Variants in LRRC4B observed in about 807,000 individuals in gnomAD.
LRRC4B encodes leucine-rich repeat-containing protein 4B.
A neutral mutation model predicts 7.3 loss-of-function variants in LRRC4B; 1 was observed. The ratio of observed to expected loss-of-function variants is 0.14; its 90% CI spans 0.05 to 0.65. The LOEUF (loss-of-function observed/expected upper bound fraction) is 0.65. Ranked by LOEUF, LRRC4B falls within the 30% of genes least tolerant of loss-of-function variation. The pLI is 0.84. For synonymous variants in LRRC4B, 500 were observed against 499.2 expected, an observed-to-expected ratio of 1.00 and a Z score of -0.02; for missense variants, 730 against 1,041.6, an observed-to-expected ratio of 0.70 and a Z score of 4.12.
In LRRC4B at chr19:50,553,689, G is replaced by A. The variant is rs575451462; in HGVS notation, c.-35-4816C>T. 3.5e-4 allele frequency among the ~76,000 whole-genome samples: 53 copies of A among 152,204 alleles called. No individual in the cohort carries two copies. Among genetic ancestry groups the A allele is most frequent in the African/African-American group, 1.2e-3 (50 of 41,526 alleles). ...AGCATCTGAGCTTTTATATGGGTCC[G>A]TGCGCTTGAAGGCAAGTTTCCCGAG... is the stretch of plus-strand genomic sequence containing the variant. On this transcript the variant is annotated intron_variant, in intron 1 of 2. Transcript: ENST00000652263. This position sits in a 1 kb window ranked among gnomAD's most constrained non-coding sequence, Gnocchi z 4.2.
intron 2 of LRRC4B, among the ~76,000 whole-genome samples, chr19:50,523,509 C>G (rs1980670461): frequency 6.9e-6 from 1 of 145,180 alleles, no homozygotes; most frequent in Non-Finnish European, 1.5e-5. Flanking sequence ...AAAACTCCGT[C>G]TCTGCTAAAA....
intron 2 of LRRC4B, among the ~76,000 whole-genome samples, chr19:50,523,399 C>T (rs1315872192): frequency 1.3e-5 from 2 of 152,088 alleles, no homozygotes; most frequent in Non-Finnish European, 1.5e-5. Context: ...AAAAAGAGGC[C>T]GGGCGTGGTG....
At chr19:50,533,676 G>T (rs747821604) in intron 2 of LRRC4B, among the ~76,000 whole-genome samples, 1 of 152,188 alleles carries the variant, frequency 6.6e-6, no homozygotes. Flanking sequence ...AAGGTAAAAG[G>T]GGGGGAATCA....
chr19:50,567,034 T>G (rs962398803), intron 1 of LRRC4B, among the ~76,000 whole-genome samples: 1 of 141,730 alleles, frequency 7.1e-6, no homozygotes, highest in Non-Finnish European at 1.5e-5. Flanking sequence ...TTGTCAGAGA[T>G]GGGGGTTAGA....
chr19:50,527,384 C>T (rs1980859426), intron 2 of LRRC4B, among the ~76,000 whole-genome samples: 1 of 139,842 alleles, frequency 7.2e-6, no homozygotes, highest in Non-Finnish European at 1.5e-5. Flanking sequence ...GAGGGGGTTT[C>T]ACCATGTTGG....
rs143368810 is a variant in LRRC4B, at chr19:50,564,944, G to A, written c.-36+3000C>T. On this transcript the variant is annotated intron_variant, in intron 1 of 2. Transcript: ENST00000652263. Reference sequence around the variant, plus strand: ...TCGGCCTCTCTGCATGGGCCCTGAGGGTGTGTGTGCAGGCACATGTGTGCA... The same window carrying A: ...TCGGCCTCTCTGCATGGGCCCTGAGAGTGTGTGTGCAGGCACATGTGTGCA... 8.5e-3 allele frequency among the ~76,000 whole-genome samples: 1,300 copies of A among 152,212 alleles called. 4 individuals carry two copies. Among genetic ancestry groups the A allele is most frequent in the Non-Finnish European group, 0.012 (813 of 68,000 alleles).
chr19:50,543,445 C>T (rs1460583708), intron 2 of LRRC4B, among the ~76,000 whole-genome samples: 1 of 152,006 alleles, frequency 6.6e-6, no homozygotes, highest in Non-Finnish European at 1.5e-5. Context: ...CTCATCATCC[C>T]TCAGACCCAG....
chr19:50,568,076 C>T lies in LRRC4B; in HGVS notation c.-168G>A, dbSNP rs1488607519. The T allele has an allele frequency of 2.6e-5, 4 of 150,948 alleles. No individual in the cohort carries two copies. Among genetic ancestry groups the T allele is most frequent in the Admixed American group, 2.6e-4 (4 of 15,214 alleles). 9.4% of individuals were successfully genotyped at this position (150,948 alleles called of 1,614,324 possible). A position where few individuals can be genotyped will look rare whatever the true frequency, so the allele number is the denominator to read the frequency against. ...GCGGGGGGCGGGGCTGCGGCCGGGCCTGGAGCCTCTCGCGCTCTCCCCCCT... is the reference window on the plus strand; with the variant it reads ...GCGGGGGGCGGGGCTGCGGCCGGGCTTGGAGCCTCTCGCGCTCTCCCCCCT... On this transcript the variant is annotated 5_prime_UTR_variant, in exon 1 of 3. Coordinates refer to ENST00000652263, the MANE Select transcript of LRRC4B (RefSeq NM_001080457.2).
At chr19:50,567,507 G>GC (rs890270911) in intron 1 of LRRC4B, among the ~76,000 whole-genome samples, 54 of 150,988 alleles carry the variant, frequency 3.6e-4, no homozygotes, top group East Asian at 2.0e-3. Flanking sequence ...TCACTGGCGT[G>GC]CCCCCCCCAC....
Position 50,563,006 on chromosome 19 carries a change from T to C in LRRC4B, c.-36+4938A>G, listed in dbSNP as rs1487718901. Among the ~76,000 whole-genome samples, 1 of 152,044 alleles carries C rather than the reference T, an allele frequency of 6.6e-6. No individual in the cohort carries two copies. The highest frequency in any genetic ancestry group is 1.5e-5 in the Non-Finnish European group (1 of 67,982). On this transcript the variant is annotated intron_variant, in intron 1 of 2. Coordinates refer to ENST00000652263, the MANE Select transcript of LRRC4B (RefSeq NM_001080457.2). This position sits in a 1 kb window ranked among gnomAD's most constrained non-coding sequence, Gnocchi z 4.9. Reference sequence around the variant, plus strand: ...CCACCCGCCTCAGCCTCCCAAAGTGTTGAGACGGCGTGAGCCACCATGCCT... The same window carrying C: ...CCACCCGCCTCAGCCTCCCAAAGTGCTGAGACGGCGTGAGCCACCATGCCT...
At chr19:50,529,872 T>A (rs1205638467) in intron 2 of LRRC4B, among the ~76,000 whole-genome samples, 3 of 152,084 alleles carry the variant, frequency 2.0e-5, no homozygotes, top group Non-Finnish European at 4.4e-5. Flanking sequence ...CCCCTGGAAC[T>A]TTCCCCCTCT....
intron 2 of LRRC4B, among the ~76,000 whole-genome samples, chr19:50,526,240 C>A (rs1312054040): frequency 1.3e-5 from 2 of 152,138 alleles, no homozygotes; most frequent in Non-Finnish European, 2.9e-5. Flanking sequence ...CCTTCCTCCT[C>A]TACTTGTTTC....
chr19:50,545,424 A>G (rs887959292), intron 2 of LRRC4B, among the ~76,000 whole-genome samples: 11 of 151,182 alleles, frequency 7.3e-5, no homozygotes, highest in Non-Finnish European at 1.5e-4. Flanking sequence ...AAAAAAAAAA[A>G]AAAAGAATTA....
intron 2 of LRRC4B, among the ~76,000 whole-genome samples, chr19:50,544,367 T>C (rs1386144087): frequency 1.9e-4 from 28 of 150,314 alleles, no homozygotes; most frequent in South Asian, 4.2e-4. Context: ...ATTAGCTGGG[T>C]GTGGTGGCGG....
chr19:50,525,607 C>T (rs1213069165), intron 2 of LRRC4B, among the ~76,000 whole-genome samples: 1 of 146,184 alleles, frequency 6.8e-6, no homozygotes, highest in Admixed American at 6.9e-5. Flanking sequence ...TTAGTAGAGA[C>T]GAGGGTTTTA....
intron 2 of LRRC4B, among the ~76,000 whole-genome samples, chr19:50,539,654 C>T (rs564944100): frequency 7.3e-5 from 11 of 151,696 alleles, no homozygotes; most frequent in South Asian, 4.2e-4. Context: ...TTTGGGAGGC[C>T]GAGGCAGGTG....
intron 1 of LRRC4B, among the ~76,000 whole-genome samples, chr19:50,566,342 C>G (rs1982627728): frequency 6.6e-6 from 1 of 151,158 alleles, no homozygotes; most frequent in Middle Eastern, 3.4e-3. Context: ...GCTGCGGAGG[C>G]GCCACTGCAG....
Position 50,517,799 on chromosome 19 carries a change from C to G in LRRC4B, c.1914G>C (p.Val638=). The part of the protein sequence containing the change: ...SAVSVAAAAA[V]ASGGGVGGDS... Reference sequence around the variant, plus strand: ...CCCCGCCCACACCACCCCCACTGGCCACGGCGGCCGCGGCGGCCACGGACA... The same window carrying G: ...CCCCGCCCACACCACCCCCACTGGCGACGGCGGCCGCGGCGGCCACGGACA... The change falls in exon 3 of 3, where the codon GTG becomes GTC. Residue 638 remains valine (V), a synonymous_variant. Transcript: ENST00000652263. This position sits in a 1 kb window ranked among gnomAD's most constrained non-coding sequence, Gnocchi z 6.6. 6.6e-7 allele frequency: 1 copy of G among 1,505,280 alleles called. No homozygotes were observed. Among genetic ancestry groups the G allele is most frequent in the Non-Finnish European group, 8.9e-7 (1 of 1,118,408 alleles). 93.2% of individuals were successfully genotyped at this position (1,505,280 alleles called of 1,614,324 possible). A position where few individuals can be genotyped will look rare whatever the true frequency, so the allele number is the denominator to read the frequency against.
At chr19:50,536,518 C>T (rs907699197) in intron 2 of LRRC4B, among the ~76,000 whole-genome samples, 3 of 152,136 alleles carry the variant, frequency 2.0e-5, no homozygotes, top group Non-Finnish European at 4.4e-5. Flanking sequence ...CTCTGGGCCT[C>T]GGGTGGTGCC....
Sources: gnomAD v4.1 joint callset for allele counts (sites outside exome capture counted in the v4.1 genomes callset) on GRCh38, gnomAD v4.1.1 for gene constraint, Gnocchi (gnomAD v3.1) non-coding constraint, MANE v1.5 for transcripts, NCBI Gene and HGNC (gene_info 2026-07-23, HGNC 2026-07-21) for gene names.